Variants in SH3PXD2B observed in about 807,000 individuals in gnomAD.
SH3PXD2B encodes the protein SH3 and PX domain-containing protein 2B.
A neutral mutation model predicts 73.1 loss-of-function variants in SH3PXD2B; 37 were observed. The ratio of observed to expected loss-of-function variants is 0.51; its 90% CI spans 0.39 to 0.67. The LOEUF (loss-of-function observed/expected upper bound fraction) is 0.67, where lower values mean the gene tolerates loss of function less well. Ranked by LOEUF, SH3PXD2B falls within the 30% of genes least tolerant of loss-of-function variation. The pLI, the probability that SH3PXD2B is intolerant of heterozygous loss-of-function variation, is 0.00. For synonymous variants in SH3PXD2B, 457 were observed against 480.5 expected, an observed-to-expected ratio of 0.95 and a Z score of 0.64; for missense variants, 1,053 against 1,197.8, an observed-to-expected ratio of 0.88 and a Z score of 1.78.
chr5:172,367,917 C>T (rs1177670473), intron 6 of SH3PXD2B, among the ~76,000 whole-genome samples: 1 of 152,114 alleles, frequency 6.6e-6, no homozygotes, highest in East Asian at 1.9e-4. Flanking sequence ...GTCCCTGCTA[C>T]CATTGAACAA....
intron 3 of SH3PXD2B, among the ~76,000 whole-genome samples, chr5:172,405,617 A>G (rs1011282537): frequency 6.6e-5 from 10 of 152,174 alleles, no homozygotes; most frequent in African/African-American, 1.7e-4. Flanking sequence ...GGAGGCTGGA[A>G]GTAGACTTTT....
At position 172,435,715 on chromosome 5, in the gene SH3PXD2B, C is replaced by A. The variant is rs564993429; in HGVS notation, c.76-13219G>T. Among the ~76,000 whole-genome samples the A allele has an allele frequency of 3.9e-5, 6 of 152,298 alleles. No homozygotes were observed. In the East Asian group the frequency reaches 1.2e-3, roughly 29 times the overall value. Reference sequence around the variant, plus strand: ...CTGGAATTATAGGTGCGAGCCATCACGCACAGCCAAGTTTTGTTTTTTTAT... The same window carrying A: ...CTGGAATTATAGGTGCGAGCCATCAAGCACAGCCAAGTTTTGTTTTTTTAT... On this transcript the variant is annotated intron_variant, in intron 1 of 12. Transcript: ENST00000311601.
chr5:172,369,948 T>C (rs1757665240), intron 6 of SH3PXD2B, among the ~76,000 whole-genome samples: 3 of 152,182 alleles, frequency 2.0e-5, no homozygotes, highest in Non-Finnish European at 2.9e-5. Context: ...CACTACCAGG[T>C]ACAGATAGTT....
intron 2 of SH3PXD2B, among the ~76,000 whole-genome samples, chr5:172,411,817 G>A (rs1490259171): frequency 2.0e-5 from 3 of 151,212 alleles, no homozygotes; most frequent in African/African-American, 4.9e-5. Context: ...TTTTAATCGT[G>A]TTAAATATAC....
chr5:172,428,604 G>A (rs895232450), intron 1 of SH3PXD2B, among the ~76,000 whole-genome samples: 9 of 152,070 alleles, frequency 5.9e-5, no homozygotes, highest in Non-Finnish European at 1.0e-4. Flanking sequence ...TCCCAGCCAG[G>A]GGAAAAATGT....
rs1357283223 is a variant in SH3PXD2B, at chr5:172,338,398, G to T, written c.2707C>A (p.Pro903Thr). Residue 903 changes from proline to threonine, a missense_variant, in exon 13 of 13, where the codon CCT becomes ACT. Physicochemically the swap from Pro to Thr is conservative, Grantham distance 38. Transcript: ENST00000311601. The surrounding 1 kb of genome is among the most constrained non-coding windows in gnomAD (Gnocchi z 5.1). ...SGAPSWEGWI[P>T]SNYLRKKP ...GGCTTCTTTCTGAGATAGTTGGAAG[G>T]AATCCACCCTTCCCAGGAAGGGGCT... 1 of 1,614,084 alleles carries T rather than the reference G, an allele frequency of 6.2e-7. No homozygotes were observed. Among genetic ancestry groups the T allele is most frequent in the Non-Finnish European group, 8.5e-7 (1 of 1,180,052 alleles).
At position 172,362,808 on chromosome 5, in the gene SH3PXD2B, G is replaced by T; in HGVS notation, c.489C>A (p.Tyr163Ter). The T allele has an allele frequency of 1.2e-6, 2 of 1,614,120 alleles. No individual in the cohort carries two copies. Among genetic ancestry groups the T allele is most frequent in the Non-Finnish European group, 1.7e-6 (2 of 1,180,012 alleles). Residue 163 changes from tyrosine (Y) to a stop codon, truncating the protein, a stop_gained, in exon 7 of 13, where the codon TAC becomes TAA. Coordinates refer to ENST00000311601, the MANE Select transcript of SH3PXD2B (RefSeq NM_001017995.3). LOFTEE classifies it high-confidence loss of function. ...TGATCTCCGAACTCTCCTGCTTCTG[G>T]TAGTTGGCTACCACCACATACTGCT... ...VLEQYVVVAN[Y>*]QKQESSEISL... is the part of the protein sequence containing the mutation.
intron 3 of SH3PXD2B, among the ~76,000 whole-genome samples, chr5:172,403,267 C>T (rs1046113651): frequency 6.6e-6 from 1 of 152,228 alleles, no homozygotes; most frequent in Admixed American, 6.5e-5. Flanking sequence ...CCCAGCTCCT[C>T]CTGGGATGGA....
chr5:172,396,855 C>T (rs896665365), intron 3 of SH3PXD2B, among the ~76,000 whole-genome samples: 11 of 152,160 alleles, frequency 7.2e-5, no homozygotes, highest in East Asian at 1.9e-4. Context: ...GCAGGAGAAT[C>T]GCTTGAACCC....
In SH3PXD2B at chr5:172,339,154, T is replaced by G. The variant is rs1403821737; in HGVS notation, c.1951A>C (p.Lys651Gln). 6.2e-7 allele frequency: 1 copy of G among 1,614,196 alleles called. No individual in the cohort carries two copies. Among genetic ancestry groups the G allele is most frequent in the Non-Finnish European group, 8.5e-7 (1 of 1,180,034 alleles). ...TCTTCGCCCTGAGGTGGCTCCGTTT[T>G]GGGGGAAGGAGCTGGTTTTGGCCTA... ...QVRPKPAPSP[K>Q]TEPPQGEDQV... Residue 651 changes from lysine (K) to glutamine (Q), a missense_variant, in exon 13 of 13, where the codon AAA becomes CAA. Physicochemically the swap from Lys to Gln is moderately conservative, Grantham distance 53. Around this residue, in one of 2 missense-constraint regions of SH3PXD2B, gnomAD observed 587 missense variants for 590.7 expected, o/e 0.99. Coordinates refer to ENST00000311601, the MANE Select transcript of SH3PXD2B (RefSeq NM_001017995.3). The surrounding 1 kb of genome is among the most constrained non-coding windows in gnomAD (Gnocchi z 6.1).
intron 7 of SH3PXD2B, among the ~76,000 whole-genome samples, 200 bp downstream of exon 7, chr5:172,362,535 A>C (rs1190358991): frequency 6.6e-6 from 1 of 152,210 alleles, no homozygotes; most frequent in East Asian, 1.9e-4. Context: ...CTGAGCCAAA[A>C]GGATAATGGT....
chr5:172,454,058 G>A (rs1380660739), intron 1 of SH3PXD2B, among the ~76,000 whole-genome samples: 1 of 139,112 alleles, frequency 7.2e-6, no homozygotes, highest in Non-Finnish European at 1.6e-5. Flanking sequence ...GAGGCGGGAG[G>A]AAGGGATGGA....
At chr5:172,403,192 A>G (rs1406095405) in intron 3 of SH3PXD2B, among the ~76,000 whole-genome samples, 1 of 152,192 alleles carries the variant, frequency 6.6e-6, no homozygotes, top group Non-Finnish European at 1.5e-5. Context: ...TTTGTTTTCC[A>G]CTGTGGAGGA....
chr5:172,369,413 C>A (rs566973538), intron 6 of SH3PXD2B, among the ~76,000 whole-genome samples: 2 of 152,052 alleles, frequency 1.3e-5, no homozygotes, highest in Non-Finnish European at 2.9e-5. Context: ...AACCCCTGGC[C>A]TAGAACATGG....
chr5:172,423,546 G>GA (rs1554141215), intron 1 of SH3PXD2B, among the ~76,000 whole-genome samples: 1 of 44,972 alleles, frequency 2.2e-5, no homozygotes, highest in Non-Finnish European at 4.7e-5. Context: ...ATACGGGGTT[G>GA]GGGGGGGGGG....
At position 172,416,708 on chromosome 5, in the gene SH3PXD2B, T is replaced by A. The variant is rs926551825; in HGVS notation, c.156+5708A>T. On this transcript the variant is annotated intron_variant, in intron 2 of 12. Transcript: ENST00000311601. Reference sequence around the variant, plus strand: ...TCTCTCTCTCTCTCTTTTTTTTTTTTTTTTTTTTTTTTTTTTTTGATATAG... The same window carrying A: ...TCTCTCTCTCTCTCTTTTTTTTTTTATTTTTTTTTTTTTTTTTTGATATAG... Among the ~76,000 whole-genome samples the A allele has an allele frequency of 4.9e-4, 20 of 40,472 alleles. No homozygotes were observed. In the East Asian group the frequency reaches 0.048, roughly 98 times the overall value. 26.6% of individuals were successfully genotyped at this position (40,472 alleles called of 152,430 possible). A position where few individuals can be genotyped will look rare whatever the true frequency, so the allele number is the denominator to read the frequency against.
Position 172,338,869 on chromosome 5 carries a change from G to T in SH3PXD2B, c.2236C>A (p.Pro746Thr). ...TDPVSKSVPV[P>T]LQEAPQQRPV... ...CTCTGCTGGGGAGCCTCTTGGAGAG[G>T]AACAGGCACGCTCTTAGACACAGGA... Residue 746 changes from proline (P) to threonine (T), a missense_variant, in exon 13 of 13, where the codon CCT becomes ACT. Around this residue, in one of 2 missense-constraint regions of SH3PXD2B, gnomAD observed 587 missense variants for 590.7 expected, o/e 0.99. Transcript: ENST00000311601. The surrounding 1 kb of genome is among the most constrained non-coding windows in gnomAD (Gnocchi z 5.1). 1 of 1,612,634 alleles carries T rather than the reference G, an allele frequency of 6.2e-7. No homozygotes were observed. The highest frequency in any genetic ancestry group is 8.5e-7 in the Non-Finnish European group (1 of 1,178,742).
chr5:172,426,329 G>A (rs1429278941), intron 1 of SH3PXD2B, among the ~76,000 whole-genome samples: 1 of 152,216 alleles, frequency 6.6e-6, no homozygotes, highest in Admixed American at 6.5e-5. Context: ...GGGTCACAGA[G>A]CCAGCTCTGC....
At chr5:172,438,413 C>G (rs1759443288) in intron 1 of SH3PXD2B, among the ~76,000 whole-genome samples, 1 of 152,140 alleles carries the variant, frequency 6.6e-6, no homozygotes, top group Admixed American at 6.5e-5. Flanking sequence ...CCATGGTCCC[C>G]CCAGTGCCTG....
Sources: allele counts gnomAD v4.1 joint callset (sites outside exome capture counted in the v4.1 genomes callset), GRCh38; gene constraint gnomAD v4.1.1; regional missense constraint gnomAD v4.1.1; non-coding constraint Gnocchi (gnomAD v3.1); transcripts MANE v1.5; gene names NCBI Gene and HGNC (gene_info 2026-07-23, HGNC 2026-07-21).